The following PDE4D variants were observed in gnomAD, a reference collection of about 807,000 sequenced individuals.
The protein encoded by PDE4D is phosphodiesterase 4D.
In PDE4D, 24 loss-of-function variants were observed where a neutral mutation model predicts 87.4. The observed-to-expected ratio is 0.27, with a 90% CI of 0.20 to 0.39. The LOEUF (loss-of-function observed/expected upper bound fraction) is 0.39, where lower values mean the gene tolerates loss of function less well. Ranked by LOEUF, PDE4D falls within the 10% of genes least tolerant of loss-of-function variation. The probability of loss-of-function intolerance (pLI) is 1.00; values close to 1 mark genes in which losing one functional copy is unlikely to be tolerated. For synonymous variants in PDE4D, 384 were observed against 383.2 expected (o/e 1.00, Z -0.02); for missense variants, 714 against 1,041.0 (o/e 0.69, Z 4.32).
intron 6 of PDE4D, among the ~76,000 whole-genome samples, chr5:59,022,244 T>C (rs1755312638): frequency 6.6e-6 from 1 of 152,170 alleles, no homozygotes; most frequent in Non-Finnish European, 1.5e-5. Flanking sequence ...TTTCACCAAA[T>C]GAACCCTGCG....
At chr5:59,056,990 C>G (rs1334598986) in intron 5 of PDE4D, among the ~76,000 whole-genome samples, 1 of 152,178 alleles carries the variant, frequency 6.6e-6, no homozygotes, top group Non-Finnish European at 1.5e-5. Flanking sequence ...TTTCTCCTCT[C>G]CATGAACTGG....
At chr5:59,146,408 C>A (rs534564570) in intron 5 of PDE4D, among the ~76,000 whole-genome samples, 1 of 152,040 alleles carries the variant, frequency 6.6e-6, no homozygotes, top group South Asian at 2.1e-4. Flanking sequence ...TTGAAGCATA[C>A]GAATCAATTA....
intron 6 of PDE4D, among the ~76,000 whole-genome samples, chr5:58,999,063 A>T (rs1307532864): frequency 6.6e-6 from 1 of 152,194 alleles, no homozygotes; most frequent in Non-Finnish European, 1.5e-5. Flanking sequence ...TAAAGGTGAA[A>T]AAAACGTATT....
intron 1 of PDE4D, among the ~76,000 whole-genome samples, chr5:59,614,377 ATTTTG>A (rs778869169): frequency 2.6e-4 from 39 of 152,196 alleles, no homozygotes; most frequent in Non-Finnish European, 4.9e-4. Flanking sequence ...AGAAATTATG[ATTTTG>A]TTTTATCTTT....
chr5:60,460,353 A>G (rs1236240548), intron 1 of PDE4D: 8 of 991,304 alleles, frequency 8.1e-6, no homozygotes, highest in South Asian at 6.4e-5. Context: ...CTGATTTAAT[A>G]TCTTCAAATT....
chr5:60,247,474 T>A (rs537542630), intron 1 of PDE4D, among the ~76,000 whole-genome samples: 2 of 152,066 alleles, frequency 1.3e-5, no homozygotes, highest in Non-Finnish European at 2.9e-5. Flanking sequence ...TTACCAATTA[T>A]GAAACTTTTT....
chr5:60,106,520 T>C (rs1175560305), intron 2 of PDE4D, among the ~76,000 whole-genome samples: 1 of 152,122 alleles, frequency 6.6e-6, no homozygotes, highest in African/African-American at 2.4e-5. Context: ...AATAGACATA[T>C]ACAGAACTCT....
intron 1 of PDE4D, among the ~76,000 whole-genome samples, chr5:60,229,287 T>C (rs1745528946): frequency 6.6e-6 from 1 of 152,170 alleles, no homozygotes; most frequent in Non-Finnish European, 1.5e-5. Context: ...GCCAGTATTA[T>C]GTTTTCAGCT....
At chr5:59,080,230 AT>A (rs1766497844) in intron 5 of PDE4D, among the ~76,000 whole-genome samples, 1 of 152,162 alleles carries the variant, frequency 6.6e-6, no homozygotes, top group Non-Finnish European at 1.5e-5. Context: ...GTAGTTGCAC[AT>A]TTTGGAGTGT....
At chr5:59,499,144 C>T (rs1807790975) in intron 1 of PDE4D, among the ~76,000 whole-genome samples, 1 of 151,634 alleles carries the variant, frequency 6.6e-6, no homozygotes, top group Admixed American at 6.6e-5. Flanking sequence ...ATACAGGAAA[C>T]TAATCAACTT....
intron 1 of PDE4D, among the ~76,000 whole-genome samples, chr5:59,741,037 C>G (rs1758754627): frequency 6.6e-6 from 1 of 152,128 alleles, no homozygotes; most frequent in South Asian, 2.1e-4. Context: ...AAGACAAAAA[C>G]AAAACAAACA....
At chr5:59,794,783 G>A (rs1267607810) in intron 1 of PDE4D, among the ~76,000 whole-genome samples, 2 of 152,098 alleles carry the variant, frequency 1.3e-5, no homozygotes, top group Non-Finnish European at 2.9e-5. Flanking sequence ...GCAAAAAAAA[G>A]TTTAAGATGC....
chr5:59,886,715 G>A (rs1750211905), intron 1 of PDE4D, among the ~76,000 whole-genome samples: 1 of 151,948 alleles, frequency 6.6e-6, no homozygotes, highest in Non-Finnish European at 1.5e-5. Context: ...GTGTGAAAAG[G>A]CACAGAGAAC....
intron 1 of PDE4D, among the ~76,000 whole-genome samples, chr5:59,629,962 C>T (rs1453389261): frequency 6.6e-6 from 1 of 152,136 alleles, no homozygotes; most frequent in East Asian, 1.9e-4. Flanking sequence ...ACATCTGATT[C>T]AATGACAATG....
chr5:60,100,597 A>G (rs1202663042), intron 2 of PDE4D, among the ~76,000 whole-genome samples: 7 of 152,084 alleles, frequency 4.6e-5, no homozygotes, highest in Admixed American at 3.3e-4. Flanking sequence ...CACTTGGGAA[A>G]CAAAAGAAGA....
At chr5:60,394,926 G>T (rs953549619) in intron 1 of PDE4D, among the ~76,000 whole-genome samples, 15 of 152,108 alleles carry the variant, frequency 9.9e-5, no homozygotes, top group Non-Finnish European at 2.2e-4. Flanking sequence ...CCAAAACTCA[G>T]CAACCCAAGG....
chr5:59,412,290 G>C (rs1024477843), intron 1 of PDE4D, among the ~76,000 whole-genome samples: 1 of 151,998 alleles, frequency 6.6e-6, no homozygotes, highest in Non-Finnish European at 1.5e-5. Flanking sequence ...ACTTATAAAG[G>C]CTACTTCTGT....
intron 1 of PDE4D, chr5:59,587,451 C>A: frequency 1.0e-6 from 1 of 985,392 alleles, no homozygotes; most frequent in Non-Finnish European, 1.2e-6. Flanking sequence ...GCTATACAGA[C>A]CTTGCATGCT....
At chr5:60,056,769 A>T (rs1770822382) in intron 2 of PDE4D, among the ~76,000 whole-genome samples, 1 of 151,982 alleles carries the variant, frequency 6.6e-6, no homozygotes, top group South Asian at 2.1e-4. Flanking sequence ...TTTTGATGAC[A>T]ACTACCTTTG....
Sources: allele counts gnomAD v4.1 joint callset (sites outside exome capture counted in the v4.1 genomes callset), GRCh38; gene constraint gnomAD v4.1.1; transcripts MANE v1.5; gene names NCBI Gene and HGNC (gene_info 2026-07-23, HGNC 2026-07-21).